RBFA: variants seen among roughly 807,000 people sequenced by gnomAD.
RBFA encodes ribosome binding factor A.
In RBFA, 16 loss-of-function variants were observed where a neutral mutation model predicts 27.9. That is an observed-to-expected ratio of 0.57 (90% confidence interval 0.39 to 0.87). The LOEUF is 0.87. RBFA is among the 40% of genes least tolerant of loss of function. The pLI is 0.00. For missense variants in RBFA, 456 were observed against 432.1 expected (o/e 1.06, Z -0.49); for synonymous variants, 181 against 181.0 (o/e 1.00, Z 0.00).
chr18:80,049,110 C>A lies in RBFA; in HGVS notation c.*2955C>A, dbSNP rs117845327. Reference sequence around the variant, plus strand: ...CTTCCCTGGGAGCGAGTTAGGGACACGGAAGCTCACCCGCTTCTGAATGGG... The same window carrying A: ...CTTCCCTGGGAGCGAGTTAGGGACAAGGAAGCTCACCCGCTTCTGAATGGG... On this transcript the variant is annotated 3_prime_UTR_variant, in exon 7 of 7. Transcript: ENST00000306735. Among the ~76,000 whole-genome samples the A allele has an allele frequency of 0.031, 4,737 of 151,596 alleles. 107 individuals are homozygous for A. The highest frequency in any genetic ancestry group is 0.077 in the South Asian group (369 of 4,804).
Position 80,050,619 on chromosome 18 carries a change from T to TA in RBFA, c.*4465dup, listed in dbSNP as rs1174283246. On this transcript the variant is annotated 3_prime_UTR_variant, in exon 7 of 7. Transcript: ENST00000306735. ...ATAAATGCTGTGGGTGCTGGCAAGA[T>TA]ACTGAAATAAATTAATTCTGTATTT... Among the ~76,000 whole-genome samples, 1 of 152,256 alleles carries TA rather than the reference T, an allele frequency of 6.6e-6. No homozygotes were observed. The highest frequency in any genetic ancestry group is 1.5e-5 in the Non-Finnish European group (1 of 68,048).
intron 3 of RBFA, 52 bp from the exon 4 acceptor site, chr18:80,038,449 TTGTC>T (rs3833183): frequency 0.14 from 173,363 of 1,241,092 alleles, 13,305 homozygotes; most frequent in East Asian, 0.28. Context: ...TGGATGTTGT[TTGTC>T]TTGAAAACCC....
chr18:80,037,295 G>A (rs768908920), intron 2 of RBFA, 35 bp from the exon 3 acceptor site: 17 of 1,594,200 alleles, frequency 1.1e-5, no homozygotes, highest in Admixed American at 6.7e-5. Context: ...GAGTTGTAAC[G>A]CTGCCCTTGG....
rs775908150 is a variant in RBFA at position 80,034,515 on chromosome 18, G to GGCTGTGGCGCTCCC, written c.23_36dup (p.Ala13CysfsTer71). 1 of 1,584,438 alleles carries GGCTGTGGCGCTCCC rather than the reference G, an allele frequency of 6.3e-7. No homozygotes were observed. The highest frequency in any genetic ancestry group is 8.5e-7 in the Non-Finnish European group (1 of 1,170,868). On this transcript the variant is annotated frameshift_variant, in exon 1 of 7. Transcript: ENST00000306735. LOFTEE classifies it high-confidence loss of function. ...CGCGCCATGTGGGCTGCGGCGGGCGGGCTGTGGCGCTCCCGCGCGGGTCTC... is the reference window on the plus strand; with the variant it reads ...CGCGCCATGTGGGCTGCGGCGGGCGGGCTGTGGCGCTCCCGCTGTGGCGCTCCCGCGCGGGTCTC...
intron 3 of RBFA, among the ~76,000 whole-genome samples, 183 bp downstream of exon 3, chr18:80,037,689 A>G (rs2051989898): frequency 6.6e-6 from 1 of 152,166 alleles, no homozygotes; most frequent in African/African-American, 2.4e-5. Flanking sequence ...GGAGATTGAG[A>G]CGATCCTGGC....
chr18:80,046,518 A>C lies in RBFA; in HGVS notation c.*363A>C. On this transcript the variant is annotated 3_prime_UTR_variant, in exon 7 of 7. Coordinates refer to ENST00000306735, the MANE Select transcript of RBFA (RefSeq NM_024805.3). ...CAGCAGTGGCCGGGGTAAGAACTGA[A>C]CCTGCAAACCTGGGGAGAACAGAGG... is the stretch of plus-strand genomic sequence containing the variant. The C allele has an allele frequency of 4.9e-6, 1 of 205,194 alleles. No individual in the cohort carries two copies. Among genetic ancestry groups the C allele is most frequent in the Non-Finnish European group, 9.9e-6 (1 of 101,042 alleles). The allele number at this position is 205,194 out of a possible 1,614,324, so 12.7% of individuals were successfully genotyped here.
intron 6 of RBFA, 126 bp downstream of exon 6, chr18:80,044,411 T>A: frequency 1.2e-6 from 1 of 851,410 alleles, no homozygotes; most frequent in Non-Finnish European, 1.9e-6. Flanking sequence ...GGCACTTGCC[T>A]CCAGGGCCGG....
At chr18:80,036,832 C>A (rs563929878) in intron 2 of RBFA, 122 bp downstream of exon 2, 2 of 596,646 alleles carry the variant, frequency 3.4e-6, no homozygotes, top group Non-Finnish European at 5.8e-6. Context: ...TATGTGGATG[C>A]GACTGGATGC....
chr18:80,045,287 C>T (rs2052043464), intron 6 of RBFA, among the ~76,000 whole-genome samples: 1 of 147,534 alleles, frequency 6.8e-6, no homozygotes, highest in Admixed American at 6.9e-5. Flanking sequence ...AGTGCAGCGG[C>T]GTGATCTTGG....
Position 80,034,465 on chromosome 18 carries a change from C to G in RBFA, c.-31C>G, listed in dbSNP as rs542143687. The G allele has an allele frequency of 4.0e-6, 6 of 1,482,378 alleles. No individual in the cohort carries two copies. In the African/African-American group the frequency reaches 7.4e-5, roughly 18 times the overall value. 91.8% of individuals were successfully genotyped at this position (1,482,378 alleles called of 1,614,324 possible). ...CGCTCCGCGCCTGCGCCCGTTGTCT[C>G]CCTGCTCGCTCCGGGTCCCGGCGCC... On this transcript the variant is annotated 5_prime_UTR_variant, in exon 1 of 7. Transcript: ENST00000306735.
At chr18:80,036,931 A>G (rs969609421) in intron 2 of RBFA, among the ~76,000 whole-genome samples, 1 of 152,242 alleles carries the variant, frequency 6.6e-6, no homozygotes, top group African/African-American at 2.4e-5. Flanking sequence ...TCAAATTATA[A>G]TATGGTAATA....
chr18:80,036,845 T>C (rs2051982731), intron 2 of RBFA, 135 bp downstream of exon 2: 1 of 564,708 alleles, frequency 1.8e-6, no homozygotes, highest in Non-Finnish European at 3.1e-6. Context: ...CTGGATGCCA[T>C]TGGCAACATG....
Position 80,047,263 on chromosome 18 carries a change from T to A in RBFA, c.*1108T>A, listed in dbSNP as rs565596537. The A allele has an allele frequency of 2.1e-4, 32 of 152,502 alleles. No homozygotes were observed. The highest frequency in any genetic ancestry group is 7.7e-4 in the African/African-American group (32 of 41,588). 9.4% of individuals were successfully genotyped at this position (152,502 alleles called of 1,614,324 possible). ...AGCAGTGGCTTTAGTTGCTGTGCCC[T>A]GCCACCTCCTCCCCAAAAAGGAGAA... On this transcript the variant is annotated 3_prime_UTR_variant, in exon 7 of 7. Coordinates refer to ENST00000306735, the MANE Select transcript of RBFA (RefSeq NM_024805.3).
intron 4 of RBFA, 24 bp from the exon 5 acceptor site, chr18:80,042,111 G>T: frequency 6.4e-7 from 1 of 1,552,440 alleles, no homozygotes; most frequent in Non-Finnish European, 8.8e-7. Flanking sequence ...ACAGCTGTGA[G>T]GGTCTGTGCG....
Position 80,037,432 on chromosome 18 carries a change from A to G in RBFA, c.304A>G (p.Lys102Glu), listed in dbSNP as rs982717796. ...GAGGGCCCTGAACGGCCTCCTCTAT[A>G]AGGCACTGACAGACCTGCTGTGTAC... ...RLRALNGLLYKALTDLLCTPE... is the reference protein window; with the variant it reads ...RLRALNGLLYEALTDLLCTPE... Residue 102 changes from lysine to glutamate, a missense_variant, in exon 3 of 7, where the codon AAG (lysine) becomes GAG (glutamate). Lys to Glu is a moderately conservative substitution (Grantham distance 56). Transcript: ENST00000306735. 7.4e-6 allele frequency: 12 copies of G among 1,614,134 alleles called. No individual in the cohort carries two copies. The highest frequency in any genetic ancestry group is 9.3e-6 in the Non-Finnish European group (11 of 1,180,006).
Position 80,044,232 on chromosome 18 carries a change from C to T in RBFA, c.597C>T (p.Val199=), listed in dbSNP as rs192937311. ...TGTAGCTTGATCAGTTACTGGCAGTCGCAGACTTTGGACCCCGGGATGAAA... is the reference window on the plus strand; with the variant it reads ...TGTAGCTTGATCAGTTACTGGCAGTTGCAGACTTTGGACCCCGGGATGAAA... ...ALAELDQLLA[V]ADFGPRDERD... Residue 199 remains valine, a synonymous_variant, in exon 6 of 7, where the codon GTC becomes GTT. Transcript: ENST00000306735. 4.3e-5 allele frequency: 70 copies of T among 1,614,134 alleles called. No individual in the cohort carries two copies. In the South Asian group the frequency reaches 4.7e-4, roughly 11 times the overall value.
intron 4 of RBFA, among the ~76,000 whole-genome samples, chr18:80,038,917 A>G (rs2051999451): frequency 6.6e-6 from 1 of 152,252 alleles, no homozygotes; most frequent in African/African-American, 2.4e-5. Context: ...CTGAGGGTAC[A>G]GAAACCATGA....
Position 80,047,103 on chromosome 18 carries a change from A to C in RBFA, c.*948A>C, listed in dbSNP as rs964219168. On this transcript the variant is annotated 3_prime_UTR_variant, in exon 7 of 7. Coordinates refer to ENST00000306735, the MANE Select transcript of RBFA (RefSeq NM_024805.3). ...TCTGTCAGGTTCTGCACTACGAGTC[A>C]GTGTCATCCCTCCAAGCCCTGGCTC... The C allele has an allele frequency of 1.3e-5, 2 of 152,260 alleles. No homozygotes were observed. 9.4% of individuals were successfully genotyped at this position (152,260 alleles called of 1,614,324 possible).
At chr18:80,036,547 A>G (rs1599764960) in intron 1 of RBFA, 121 bp from the exon 2 acceptor site, 1 of 564,876 alleles carries the variant, frequency 1.8e-6, no homozygotes, top group South Asian at 3.3e-5. Flanking sequence ...TAAGATGTCC[A>G]GTAATGTAAC....
Sources: allele counts gnomAD v4.1 joint callset (sites outside exome capture counted in the v4.1 genomes callset), GRCh38; gene constraint gnomAD v4.1.1; transcripts MANE v1.5; gene names NCBI Gene and HGNC (gene_info 2026-07-23, HGNC 2026-07-21).